Variants in GATAD2A observed in about 807,000 individuals in gnomAD.
GATAD2A encodes GATA zinc finger domain containing 2A, also known as transcriptional repressor p66-alpha.
A neutral mutation model predicts 68.5 loss-of-function variants in GATAD2A; 12 were observed. The ratio of observed to expected loss-of-function variants is 0.18; its 90% CI spans 0.11 to 0.28. The LOEUF (loss-of-function observed/expected upper bound fraction) is 0.28. Ranked by LOEUF, GATAD2A falls within the 10% of genes least tolerant of loss-of-function variation. The pLI, the probability that GATAD2A is intolerant of heterozygous loss-of-function variation, is 1.00. For missense variants in GATAD2A, 755 were observed against 868.5 expected, an observed-to-expected ratio of 0.87 and a Z score of 1.64; for synonymous variants, 410 against 375.3, an observed-to-expected ratio of 1.09 and a Z score of -1.07.
In GATAD2A at chr19:19,501,169, C is replaced by G. The variant is rs757474151; in HGVS notation, c.1256C>G (p.Ala419Gly). The change falls in exon 9 of 12, where the codon GCA becomes GGA. Residue 419 changes from alanine (A) to glycine (G), a missense_variant. Ala to Gly is a moderately conservative substitution (Grantham distance 60). Transcript: ENST00000683918. ...TVLSREPYMC[A>G]QCKTDFTCRW... ...CTGTCCCGGGAGCCCTACATGTGTG[C>G]ACAGTGCAAGACGGACTTCACGTGC... The G allele has an allele frequency of 6.2e-7, 1 of 1,613,530 alleles. No individual in the cohort carries two copies. Among genetic ancestry groups the G allele is most frequent in the South Asian group, 1.1e-5 (1 of 91,088 alleles).
chr19:19,492,626 G>A lies in GATAD2A; in HGVS notation c.448G>A (p.Glu150Lys). The part of the protein sequence containing the change: ...ERERMIKQLK[E>K]ELRLEEAKLV... ...AGAAAGGATGATCAAGCAGCTGAAGGAAGAATTGAGGTTAGAAGAAGCAAA... is the reference window on the plus strand; with the variant it reads ...AGAAAGGATGATCAAGCAGCTGAAGAAAGAATTGAGGTTAGAAGAAGCAAA... Residue 150 changes from glutamate (E) to lysine (K), a missense_variant, in exon 4 of 12, where the codon GAA becomes AAA. By Grantham distance (56) the Glu-to-Lys change is moderately conservative. Transcript: ENST00000683918. 2 of 1,614,176 alleles carry A rather than the reference G, an allele frequency of 1.2e-6. No individual in the cohort carries two copies. Among genetic ancestry groups the A allele is most frequent in the Non-Finnish European group, 1.7e-6 (2 of 1,179,988 alleles).
chr19:19,489,899 G>A (rs1483691627), intron 2 of GATAD2A, among the ~76,000 whole-genome samples: 1 of 152,188 alleles, frequency 6.6e-6, no homozygotes, highest in Non-Finnish European at 1.5e-5. Context: ...CTGAAGCCTT[G>A]GGACTGCCTG....
At chr19:19,387,829 A>G (rs943391888) in intron 1 of GATAD2A, among the ~76,000 whole-genome samples, 1 of 151,986 alleles carries the variant, frequency 6.6e-6, no homozygotes, top group African/African-American at 2.4e-5. Flanking sequence ...TTAACTTGAG[A>G]TATCCCACTC....
Position 19,501,144 on chromosome 19 carries a change from C to G in GATAD2A, c.1231C>G (p.Leu411Val). The G allele has an allele frequency of 6.2e-7, 1 of 1,612,376 alleles. No homozygotes were observed. Among genetic ancestry groups the G allele is most frequent in the Non-Finnish European group, 8.5e-7 (1 of 1,179,172 alleles). Reference protein sequence around the residue: ...QAGRMSAATVLSREPYMCAQC... With the variant: ...QAGRMSAATVVSREPYMCAQC... ...AGGCAGGATGTCGGCCGCCACTGTGCTGTCCCGGGAGCCCTACATGTGTGC... is the reference window on the plus strand; with the variant it reads ...AGGCAGGATGTCGGCCGCCACTGTGGTGTCCCGGGAGCCCTACATGTGTGC... Residue 411 changes from leucine to valine, a missense_variant, in exon 9 of 12, where the codon CTG (leucine) becomes GTG (valine). By Grantham distance (32) the Leu-to-Val change is conservative. Transcript: ENST00000683918.
chr19:19,473,008 T>C (rs1289469469), intron 2 of GATAD2A, among the ~76,000 whole-genome samples: 2 of 152,336 alleles, frequency 1.3e-5, no homozygotes, highest in East Asian at 1.9e-4. Flanking sequence ...CCATTGCCGA[T>C]GTGGCTCACC....
chr19:19,414,602 A>G (rs1362679281), intron 1 of GATAD2A, among the ~76,000 whole-genome samples: 5 of 135,446 alleles, frequency 3.7e-5, no homozygotes, highest in Admixed American at 3.2e-4. Flanking sequence ...CAGTGGTGCA[A>G]TCTCGGCTCA....
intron 1 of GATAD2A, among the ~76,000 whole-genome samples, chr19:19,399,889 C>T (rs938272706): frequency 1.3e-5 from 2 of 152,144 alleles, no homozygotes; most frequent in African/African-American, 4.8e-5. Context: ...CGTTTTTCTG[C>T]ATGTCCAACT....
intron 1 of GATAD2A, among the ~76,000 whole-genome samples, chr19:19,417,661 T>C (rs895189395): frequency 2.6e-5 from 4 of 152,142 alleles, no homozygotes; most frequent in African/African-American, 7.2e-5. Context: ...TCTCAAAATA[T>C]GGAGAGCCCT....
At chr19:19,490,404 C>T (rs1404438370) in intron 2 of GATAD2A, among the ~76,000 whole-genome samples, 8 of 152,144 alleles carry the variant, frequency 5.3e-5, no homozygotes, top group African/African-American at 1.9e-4. Flanking sequence ...GTCCCGAGGG[C>T]TGCTAGAGCA....
At chr19:19,407,242 G>T (rs1256298047) in intron 1 of GATAD2A, among the ~76,000 whole-genome samples, 1 of 152,192 alleles carries the variant, frequency 6.6e-6, no homozygotes, top group African/African-American at 2.4e-5. Context: ...TTTTAAACTA[G>T]ATTACATGAA....
intron 1 of GATAD2A, among the ~76,000 whole-genome samples, chr19:19,419,852 G>C (rs113233612): frequency 6.6e-6 from 1 of 151,962 alleles, no homozygotes; most frequent in Non-Finnish European, 1.5e-5. Context: ...TTTTCCCAGA[G>C]CCTTGGGAAG....
In GATAD2A at chr19:19,455,786, A is replaced by G. The variant is rs145209445; in HGVS notation, c.-6-9554A>G. Among the ~76,000 whole-genome samples, 410 of 152,322 alleles carry G rather than the reference A, an allele frequency of 2.7e-3. 4 individuals are homozygous for G. The highest frequency in any genetic ancestry group is 9.3e-3 in the African/African-American group (385 of 41,574). ...GGGACAGCTGTCCTGTCAGAACCACAGAGCTGAGCATTCCTGACAGAGACT... is the reference window on the plus strand; with the variant it reads ...GGGACAGCTGTCCTGTCAGAACCACGGAGCTGAGCATTCCTGACAGAGACT... On this transcript the variant is annotated intron_variant, in intron 1 of 11. Coordinates refer to ENST00000683918, the MANE Select transcript of GATAD2A (RefSeq NM_001384528.1).
In GATAD2A at chr19:19,495,860, T is replaced by C; in HGVS notation, c.731T>C (p.Met244Thr). The C allele has an allele frequency of 6.2e-7, 1 of 1,613,164 alleles. No individual in the cohort carries two copies. The highest frequency in any genetic ancestry group is 8.5e-7 in the Non-Finnish European group (1 of 1,179,620). ...LGPQASSQVV[M>T]PPLVRGAQQI... Reference sequence around the variant, plus strand: ...CCACAGGCGAGCTCACAGGTCGTCATGCCCCCACTCGTCAGGGGGGCTCAG... The same window carrying C: ...CCACAGGCGAGCTCACAGGTCGTCACGCCCCCACTCGTCAGGGGGGCTCAG... Residue 244 changes from methionine (M) to threonine (T), a missense_variant, in exon 6 of 12, where the codon ATG becomes ACG. Transcript: ENST00000683918.
chr19:19,464,292 G>A (rs1229985794), intron 1 of GATAD2A, among the ~76,000 whole-genome samples: 1 of 152,248 alleles, frequency 6.6e-6, no homozygotes, highest in African/African-American at 2.4e-5. Flanking sequence ...CTAGAGCTCA[G>A]CTGCTAAATT....
chr19:19,454,832 T>G (rs2056779123), intron 1 of GATAD2A, among the ~76,000 whole-genome samples: 1 of 151,318 alleles, frequency 6.6e-6, no homozygotes, highest in Non-Finnish European at 1.5e-5. Flanking sequence ...TCCAACACAA[T>G]TGATGTGTTA....
chr19:19,395,337 C>T (rs1466281839), intron 1 of GATAD2A, among the ~76,000 whole-genome samples: 1 of 152,134 alleles, frequency 6.6e-6, no homozygotes, highest in Admixed American at 6.5e-5. Context: ...CGCCTGTAAT[C>T]CCAGGTACTC....
At chr19:19,474,119 GTGTGCATCACATAATTTTTGCAAGA>G (rs2058507093) in intron 2 of GATAD2A, 5 of 985,324 alleles carry the variant, frequency 5.1e-6, no homozygotes, top group Non-Finnish European at 6.0e-6. Flanking sequence ...TGGAAAAAAG[GTGTGCATCACATAATTTTTGCAAGA>G]TGTCTCTGAG....
chr19:19,463,258 C>A (rs140307263), intron 1 of GATAD2A, among the ~76,000 whole-genome samples: 1,541 of 152,304 alleles, frequency 0.01, 8 homozygotes, highest in South Asian at 0.022. Flanking sequence ...AGGGGACCCA[C>A]ACTCTGAGGG....
At chr19:19,462,201 C>G (rs942209073) in intron 1 of GATAD2A, among the ~76,000 whole-genome samples, 2 of 152,202 alleles carry the variant, frequency 1.3e-5, no homozygotes, top group Non-Finnish European at 2.9e-5. Context: ...TGTGCGGTGG[C>G]CGCCAGCCCT....
Sources: allele counts gnomAD v4.1 joint callset (sites outside exome capture counted in the v4.1 genomes callset), GRCh38; gene constraint gnomAD v4.1.1; transcripts MANE v1.5; gene names NCBI Gene and HGNC (gene_info 2026-07-23, HGNC 2026-07-21).